The following NEGR1 variants were observed in gnomAD, a reference collection of about 807,000 sequenced individuals.
The protein encoded by NEGR1 is neuronal growth regulator 1.
Under a neutral mutation model 40.9 loss-of-function variants are expected in NEGR1, and 10 were observed. That is an observed-to-expected ratio of 0.24 (90% confidence interval 0.15 to 0.42). The LOEUF (loss-of-function observed/expected upper bound fraction) is 0.42. NEGR1 is among the 10% of genes least tolerant of loss of function. The pLI is 1.00. For synonymous variants in NEGR1, 185 were observed against 166.8 expected (o/e 1.11, Z -0.84); for missense variants, 352 against 438.9 (o/e 0.80, Z 1.77).
intron 2 of NEGR1, among the ~76,000 whole-genome samples, chr1:71,930,478 C>T (rs545673308): frequency 6.6e-6 from 1 of 152,242 alleles, no homozygotes; most frequent in East Asian, 1.9e-4. Context: ...TCTAACCTCA[C>T]CTCTGACTGC....
chr1:71,815,839 A>G (rs2101768914), intron 2 of NEGR1, among the ~76,000 whole-genome samples: 1 of 152,028 alleles, frequency 6.6e-6, no homozygotes, highest in South Asian at 2.1e-4. Context: ...TTTACTTATA[A>G]TTTTCCCTAT....
At chr1:71,649,339 C>T (rs1431833514) in intron 4 of NEGR1, among the ~76,000 whole-genome samples, 4 of 151,948 alleles carry the variant, frequency 2.6e-5, no homozygotes, top group African/African-American at 7.3e-5. Flanking sequence ...CCAGGAATTC[C>T]AATTCAAAGA....
At chr1:71,831,948 G>C (rs1658857012) in intron 2 of NEGR1, among the ~76,000 whole-genome samples, 2 of 151,790 alleles carry the variant, frequency 1.3e-5, no homozygotes, top group African/African-American at 4.8e-5. Flanking sequence ...TATGGTAAGA[G>C]GAAACAACTC....
chr1:71,776,282 T>C lies in NEGR1; in HGVS notation c.425A>G (p.Tyr142Cys), dbSNP rs753502373. The stretch of plus-strand genomic sequence containing the variant: ...GACGGTCATATCATTTGAGATGTCA[T>C]ATATCTTAGGAGGAACTGAAATGAC... The part of the protein sequence containing the change: ...HLTVQVPPKI[Y>C]DISNDMTVNE... The change falls in exon 3 of 7, where the codon TAT (tyrosine) becomes TGT (cysteine). Residue 142 changes from tyrosine to cysteine, a missense_variant. Around this residue, in one of 5 missense-constraint regions of NEGR1, gnomAD observed 50 missense variants for 53.0 expected, o/e 0.94. Transcript: ENST00000357731. The C allele has an allele frequency of 1.9e-6, 3 of 1,595,286 alleles. No homozygotes were observed. Among genetic ancestry groups the C allele is most frequent in the Non-Finnish European group, 2.6e-6 (3 of 1,168,040 alleles).
chr1:71,901,859 C>T (rs1003815667), intron 2 of NEGR1, among the ~76,000 whole-genome samples: 13 of 151,574 alleles, frequency 8.6e-5, no homozygotes, highest in African/African-American at 1.5e-4. Context: ...TTAGTAGAGA[C>T]GGGATTTCAC....
chr1:71,625,293 G>GACACAC (rs145210964), intron 4 of NEGR1, among the ~76,000 whole-genome samples: 4 of 147,840 alleles, frequency 2.7e-5, no homozygotes, highest in African/African-American at 9.9e-5. Context: ...AATACACACA[G>GACACAC]ACACACACAC....
chr1:71,909,537 T>A (rs1298182130), intron 2 of NEGR1, among the ~76,000 whole-genome samples: 1 of 152,166 alleles, frequency 6.6e-6, no homozygotes, highest in African/African-American at 2.4e-5. Context: ...GACAGGCTGA[T>A]AACAGTGGCT....
At position 71,993,324 on chromosome 1, in the gene NEGR1, A is replaced by G. The variant is rs7531379; in HGVS notation, c.177-58013T>C. On this transcript the variant is annotated intron_variant, in intron 1 of 6. Coordinates refer to ENST00000357731, the MANE Select transcript of NEGR1 (RefSeq NM_173808.3). ...AGCAAGTGAACATGATGTAATGGAC[A>G]AAGAACAGAGAGGAGACTTAAGAGC... Among the ~76,000 whole-genome samples, 896 of 152,324 alleles carry G rather than the reference A, an allele frequency of 5.9e-3. 9 individuals are homozygous for G. Among genetic ancestry groups the G allele is most frequent in the African/African-American group, 0.021 (867 of 41,576 alleles).
At chr1:71,410,947 A>G (rs555912570) in intron 6 of NEGR1, among the ~76,000 whole-genome samples, 1 of 152,208 alleles carries the variant, frequency 6.6e-6, no homozygotes, top group South Asian at 2.1e-4. Context: ...AGAAAATCCC[A>G]TATGACAAAT....
intron 6 of NEGR1, among the ~76,000 whole-genome samples, chr1:71,448,184 G>A (rs1245572282): frequency 1.3e-5 from 2 of 151,788 alleles, no homozygotes; most frequent in African/African-American, 4.8e-5. Context: ...TAGAAATGAG[G>A]CTGAACGGAG....
chr1:71,494,250 T>TA (rs2101390416), intron 6 of NEGR1, among the ~76,000 whole-genome samples: 1 of 152,232 alleles, frequency 6.6e-6, no homozygotes, highest in Admixed American at 6.5e-5. Flanking sequence ...AACTGATGAG[T>TA]AAAGGTTGCC....
chr1:71,597,201 T>C (rs1649740224), intron 5 of NEGR1, among the ~76,000 whole-genome samples: 1 of 152,058 alleles, frequency 6.6e-6, no homozygotes, highest in South Asian at 2.1e-4. Context: ...TTACATGGAC[T>C]TAACAAAAAT....
At chr1:71,473,923 G>A (rs1646801049) in intron 6 of NEGR1, among the ~76,000 whole-genome samples, 1 of 151,998 alleles carries the variant, frequency 6.6e-6, no homozygotes, top group African/African-American at 2.4e-5. Flanking sequence ...AGCTGCATTT[G>A]GTCTTTAGTT....
chr1:71,967,660 G>A (rs1646221077), intron 1 of NEGR1, among the ~76,000 whole-genome samples: 2 of 151,964 alleles, frequency 1.3e-5, no homozygotes, highest in South Asian at 2.1e-4. Context: ...CAAGAAACAC[G>A]TACACACAAA....
chr1:71,852,051 C>T (rs922411623), intron 2 of NEGR1, among the ~76,000 whole-genome samples: 6 of 152,272 alleles, frequency 3.9e-5, no homozygotes, highest in African/African-American at 1.2e-4. Flanking sequence ...AATTATAAAG[C>T]TATCCTTTAC....
intron 3 of NEGR1, among the ~76,000 whole-genome samples, chr1:71,699,920 C>T (rs560968144): frequency 4.0e-5 from 6 of 151,864 alleles, no homozygotes; most frequent in South Asian, 4.2e-4. Flanking sequence ...TTTCTCTTCC[C>T]GCCATCATTT....
intron 2 of NEGR1, among the ~76,000 whole-genome samples, chr1:71,857,223 C>T (rs1050510784): frequency 2.0e-5 from 3 of 151,650 alleles, no homozygotes; most frequent in African/African-American, 2.4e-5. Context: ...TGGGAAGAGT[C>T]CTATGTTAGA....
At chr1:71,513,771 G>A (rs357203) in intron 6 of NEGR1, among the ~76,000 whole-genome samples, 85,550 of 151,074 alleles carry the variant, frequency 0.57, 24,645 homozygotes, top group Middle Eastern at 0.66. Context: ...CAGCGTGAGC[G>A]ACGCAGAAGA....
intron 1 of NEGR1, among the ~76,000 whole-genome samples, chr1:72,163,657 T>C (rs1651668321): frequency 6.6e-6 from 1 of 151,926 alleles, no homozygotes; most frequent in African/African-American, 2.4e-5. Flanking sequence ...AACATTAATT[T>C]TGTCCTTTTC....
Sources: allele counts gnomAD v4.1 joint callset (sites outside exome capture counted in the v4.1 genomes callset), GRCh38; gene constraint gnomAD v4.1.1; regional missense constraint gnomAD v4.1.1; transcripts MANE v1.5; gene names NCBI Gene and HGNC (gene_info 2026-07-23, HGNC 2026-07-21).